TMEM143: variants seen among roughly 807,000 people sequenced by gnomAD.
TMEM143 encodes the protein transmembrane protein 143.
In TMEM143, 45 loss-of-function variants were observed where a neutral mutation model predicts 40.3. The observed-to-expected ratio is 1.12, with a 90% CI of 0.88 to 1.43. TMEM143 has a LOEUF of 1.43. TMEM143 is among the 40% of genes most tolerant of loss of function. The probability of loss-of-function intolerance (pLI) is 0.00; values close to 1 mark genes in which losing one functional copy is unlikely to be tolerated. For synonymous variants in TMEM143, 299 were observed against 282.7 expected (o/e 1.06, Z -0.58); for missense variants, 620 against 613.4 (o/e 1.01, Z -0.11).
At chr19:48,358,966 C>G (rs1335406667) in intron 3 of TMEM143, among the ~76,000 whole-genome samples, 1 of 152,142 alleles carries the variant, frequency 6.6e-6, no homozygotes, top group African/African-American at 2.4e-5. Flanking sequence ...GTCAGGAATT[C>G]AAGACCACCC....
At chr19:48,338,619 C>T (rs538230928) in intron 6 of TMEM143, among the ~76,000 whole-genome samples, 4 of 152,238 alleles carry the variant, frequency 2.6e-5, no homozygotes, top group Non-Finnish European at 5.9e-5. Context: ...GATGCAGCCT[C>T]GGGCTCCTGC....
At chr19:48,343,145 G>A (rs766505609) in intron 5 of TMEM143, 176 bp downstream of exon 5, 11 of 834,014 alleles carry the variant, frequency 1.3e-5, no homozygotes, top group Admixed American at 3.0e-5. Context: ...TGGGAATCAA[G>A]TGTAGTACTC....
intron 6 of TMEM143, among the ~76,000 whole-genome samples, chr19:48,338,674 G>A (rs1419011242): frequency 6.6e-6 from 1 of 152,196 alleles, no homozygotes; most frequent in Non-Finnish European, 1.5e-5. Flanking sequence ...CCTGTGTCCA[G>A]GGACCCCACA....
In TMEM143 at chr19:48,342,754, G is replaced by A. The variant is rs1969528817; in HGVS notation, c.751C>T (p.Leu251=). ...AARTKRGHLV[L]KSFKDTPLEG... ...AGCGGCGTGTCCTTGAAACTCTTCA[G>A]TACCAGGTGTCCCCGTTTGGTCCGG... The change falls in exon 6 of 8, where the codon CTG becomes TTG. Residue 251 remains leucine (L), a synonymous_variant. Coordinates refer to ENST00000293261, the MANE Select transcript of TMEM143 (RefSeq NM_018273.4). 1.2e-6 allele frequency: 2 copies of A among 1,612,994 alleles called. No individual in the cohort carries two copies. Among genetic ancestry groups the A allele is most frequent in the Non-Finnish European group, 1.7e-6 (2 of 1,179,098 alleles).
intron 6 of TMEM143, among the ~76,000 whole-genome samples, chr19:48,337,795 C>T (rs1969404077): frequency 6.6e-6 from 1 of 152,162 alleles, no homozygotes; most frequent in Non-Finnish European, 1.5e-5. Context: ...ACCAGGCCAG[C>T]ACAGTCAGTT....
rs759869266 is a variant in TMEM143 at position 48,334,086 on chromosome 19, C to T, written c.1087G>A (p.Asp363Asn). The change falls in exon 7 of 8, where the codon GAC becomes AAC. Residue 363 changes from aspartate to asparagine, a missense_variant. Asp to Asn is a conservative substitution (Grantham distance 23). Transcript: ENST00000293261. ...LLSALALRAQ[D>N]EHTKEALLAH... ...AGCAGCGCCTCCTTGGTGTGCTCGT[C>T]CTGCGCGCGCAGGGCCAGGGCGCTG... is the stretch of plus-strand genomic sequence containing the variant. The T allele has an allele frequency of 3.1e-6, 5 of 1,590,386 alleles. No individual in the cohort carries two copies. In the South Asian group the frequency reaches 5.7e-5, roughly 18 times the overall value.
At chr19:48,351,815 C>A (rs1346565542) in intron 3 of TMEM143, among the ~76,000 whole-genome samples, 1 of 152,052 alleles carries the variant, frequency 6.6e-6, no homozygotes, top group East Asian at 1.9e-4. Context: ...AAAAACACCC[C>A]CTCCCTTGCT....
At chr19:48,337,114 C>T (rs933526418) in intron 6 of TMEM143, among the ~76,000 whole-genome samples, 1 of 152,198 alleles carries the variant, frequency 6.6e-6, no homozygotes, top group Non-Finnish European at 1.5e-5. Context: ...GGCCACTGGA[C>T]CCTGTAGCTG....
At chr19:48,355,196 G>A (rs1158044284) in intron 3 of TMEM143, among the ~76,000 whole-genome samples, 2 of 151,740 alleles carry the variant, frequency 1.3e-5, no homozygotes, top group Non-Finnish European at 2.9e-5. Context: ...CACCACAACC[G>A]ACTGATATTT....
At chr19:48,360,757 G>A (rs1489434748) in intron 2 of TMEM143, among the ~76,000 whole-genome samples, 1 of 151,982 alleles carries the variant, frequency 6.6e-6, no homozygotes, top group African/African-American at 2.4e-5. Context: ...GTTTGACAGT[G>A]TAATATCATC....
chr19:48,345,723 G>A (rs923964930), intron 3 of TMEM143, among the ~76,000 whole-genome samples: 8 of 151,574 alleles, frequency 5.3e-5, no homozygotes, highest in South Asian at 2.1e-4. Flanking sequence ...TGCCCGCCTC[G>A]GCCTCCCAAA....
In TMEM143 at chr19:48,363,430, CG is replaced by C. The variant is rs762159291; in HGVS notation, c.124del (p.Arg42GlyfsTer45). On this transcript the variant is annotated frameshift_variant, in exon 2 of 8. Transcript: ENST00000293261. LOFTEE classifies it high-confidence loss of function. Reference sequence around the variant, plus strand: ...TTTGGCTGCCAGCGATGAGAGGGCCCGGGGGGGCCCGAGGAGCGCGGGCAAC... The same window carrying C: ...TTTGGCTGCCAGCGATGAGAGGGCCCGGGGGGCCCGAGGAGCGCGGGCAAC... Reference protein sequence around the residue: ...PLLPALLGPPRALSSLAAKMG... With the variant: ...PLLPALLGPPXALSSLAAKMG... The C allele has an allele frequency of 5.6e-6, 9 of 1,613,740 alleles. No individual in the cohort carries two copies. In the East Asian group the frequency reaches 6.7e-5, roughly 12 times the overall value.
At chr19:48,359,300 C>G (rs1052870595) in intron 3 of TMEM143, among the ~76,000 whole-genome samples, 1 of 152,116 alleles carries the variant, frequency 6.6e-6, no homozygotes, top group African/African-American at 2.4e-5. Flanking sequence ...CTCCTGCAGC[C>G]ACAGTGGCCT....
intron 2 of TMEM143, among the ~76,000 whole-genome samples, chr19:48,362,015 T>G (rs972065917): frequency 6.6e-6 from 1 of 152,184 alleles, no homozygotes; most frequent in Non-Finnish European, 1.5e-5. Context: ...TATTTGTATA[T>G]TTATGTGTGT....
At chr19:48,357,804 T>C (rs1277301208) in intron 3 of TMEM143, among the ~76,000 whole-genome samples, 2 of 152,132 alleles carry the variant, frequency 1.3e-5, no homozygotes, top group African/African-American at 4.8e-5. Context: ...AAGGCCATTA[T>C]TCTAAGTCAA....
chr19:48,358,943 TGG>T (rs1969971071), intron 3 of TMEM143, among the ~76,000 whole-genome samples: 1 of 151,800 alleles, frequency 6.6e-6, no homozygotes, highest in Non-Finnish European at 1.5e-5. Context: ...CCAAGGCGGG[TGG>T]ATCACTTGAG....
chr19:48,336,042 G>A (rs757500275), intron 6 of TMEM143, among the ~76,000 whole-genome samples: 5 of 152,100 alleles, frequency 3.3e-5, no homozygotes, highest in Non-Finnish European at 7.4e-5. Flanking sequence ...CCTTGATATT[G>A]GTAAGGAGAA....
At chr19:48,342,496 A>G (rs1465961157) in intron 6 of TMEM143, 34 bp downstream of exon 6, 2 of 1,570,966 alleles carry the variant, frequency 1.3e-6, no homozygotes, top group Non-Finnish European at 1.7e-6. Flanking sequence ...CCCACAGCGC[A>G]GGGCCGCAGG....
intron 6 of TMEM143, among the ~76,000 whole-genome samples, chr19:48,335,520 T>C (rs1316036035): frequency 2.6e-5 from 4 of 152,076 alleles, no homozygotes; most frequent in Non-Finnish European, 5.9e-5. Context: ...AGGTTGGAAG[T>C]TCGAGACCAG....
Sources: gnomAD v4.1 joint callset for allele counts (sites outside exome capture counted in the v4.1 genomes callset) on GRCh38, gnomAD v4.1.1 for gene constraint, MANE v1.5 for transcripts, NCBI Gene and HGNC (gene_info 2026-07-23, HGNC 2026-07-21) for gene names.